The following DNMBP variants were observed in gnomAD, a reference collection of about 807,000 sequenced individuals.
DNMBP encodes dynamin binding protein, also known as dynamin-binding protein.
In DNMBP, 87 loss-of-function variants were observed where a neutral mutation model predicts 150.0. That is an observed-to-expected ratio of 0.58 (90% CI 0.49 to 0.69). The LOEUF (loss-of-function observed/expected upper bound fraction) is 0.69. Ranked by LOEUF, DNMBP falls within the 30% of genes least tolerant of loss-of-function variation. DNMBP has a pLI of 0.00. For synonymous variants in DNMBP, 711 were observed against 750.4 expected, an observed-to-expected ratio of 0.95 and a Z score of 0.86; for missense variants, 1,774 against 1,949.0, an observed-to-expected ratio of 0.91 and a Z score of 1.69.
chr10:99,923,829 C>T (rs2040048843), intron 4 of DNMBP, among the ~76,000 whole-genome samples: 1 of 152,194 alleles, frequency 6.6e-6, no homozygotes, highest in Non-Finnish European at 1.5e-5. Context: ...TCAAACATTT[C>T]CCTACAGTCT....
At chr10:99,920,352 G>A (rs1247251647) in intron 4 of DNMBP, among the ~76,000 whole-genome samples, 1 of 152,140 alleles carries the variant, frequency 6.6e-6, no homozygotes, top group African/African-American at 2.4e-5. Flanking sequence ...TGGGACTACA[G>A]GTGTGAGCCA....
chr10:99,982,080 T>C (rs1467417456), intron 1 of DNMBP, among the ~76,000 whole-genome samples: 1 of 152,188 alleles, frequency 6.6e-6, no homozygotes, highest in African/African-American at 2.4e-5. Context: ...GTGTGCCTTC[T>C]GTTTTCTGCT....
intron 3 of DNMBP, among the ~76,000 whole-genome samples, chr10:99,967,671 GT>G (rs2040633553): frequency 7.0e-5 from 10 of 142,134 alleles, no homozygotes; most frequent in South Asian, 4.5e-4. Context: ...TTTTCTGGGT[GT>G]GTGTGTGTGT....
chr10:99,916,970 C>T (rs2039971101), intron 4 of DNMBP, among the ~76,000 whole-genome samples: 1 of 152,100 alleles, frequency 6.6e-6, no homozygotes, highest in Non-Finnish European at 1.5e-5. Context: ...CACTGTACTC[C>T]AGCCTTGGTG....
chr10:99,919,878 T>A (rs1422112452), intron 4 of DNMBP, among the ~76,000 whole-genome samples: 2 of 152,340 alleles, frequency 1.3e-5, no homozygotes, highest in South Asian at 2.1e-4. Flanking sequence ...ACTTCAGGAA[T>A]AGCAAAATAA....
chr10:99,987,099 G>A (rs985785598), intron 1 of DNMBP, among the ~76,000 whole-genome samples: 12 of 150,508 alleles, frequency 8.0e-5, no homozygotes, highest in Non-Finnish European at 1.3e-4. Flanking sequence ...AGCTTTCAGT[G>A]AGCTGAGATC....
chr10:99,914,109 C>T (rs954619428), intron 4 of DNMBP: 5 of 1,362,568 alleles, frequency 3.7e-6, no homozygotes, highest in South Asian at 3.7e-5. Context: ...ACATATGAAT[C>T]GCGCAAGTCA....
chr10:99,919,298 C>A lies in DNMBP; in HGVS notation c.2261-10152G>T, dbSNP rs966727329. On this transcript the variant is annotated intron_variant, in intron 4 of 16. Transcript: ENST00000324109. Reference sequence around the variant, plus strand: ...CTGCATTATATTTCCATTAACACTACAGTGATGGTTCAAAATTTGCTCAAC... The same window carrying A: ...CTGCATTATATTTCCATTAACACTAAAGTGATGGTTCAAAATTTGCTCAAC... Among the ~76,000 whole-genome samples the A allele has an allele frequency of 4.6e-5, 7 of 152,204 alleles. No individual in the cohort carries two copies. The East Asian group carries it at 1.3e-3, about 29-fold the overall frequency.
Position 99,955,686 on chromosome 10 carries a change from GATT to G in DNMBP, c.1785_1787del (p.Leu595_Ile596delinsPhe). 1 of 1,614,210 alleles carries G rather than the reference GATT, an allele frequency of 6.2e-7. No individual in the cohort carries two copies. The highest frequency in any genetic ancestry group is 8.5e-7 in the Non-Finnish European group (1 of 1,180,046). On this transcript the variant is annotated inframe_deletion, in exon 4 of 17. Coordinates refer to ENST00000324109, the MANE Select transcript of DNMBP (RefSeq NM_015221.4). Reference sequence around the variant, plus strand: ...TCCTTTCCGGCAGCTCCTGCTCGGTGATTAACTTTGAGGAACCTCGGACAATAT... The same window carrying G: ...TCCTTTCCGGCAGCTCCTGCTCGGTGAACTTTGAGGAACCTCGGACAATAT...
chr10:99,922,656 C>T (rs1008207480), intron 4 of DNMBP, among the ~76,000 whole-genome samples: 1 of 151,850 alleles, frequency 6.6e-6, no homozygotes, highest in African/African-American at 2.4e-5. Flanking sequence ...CTGCTGGGAC[C>T]ACAGGCACGC....
chr10:100,008,760 A>G (rs1333872383), intron 1 of DNMBP, among the ~76,000 whole-genome samples: 1 of 152,222 alleles, frequency 6.6e-6, no homozygotes, highest in Non-Finnish European at 1.5e-5. Context: ...TAACTTGCTG[A>G]TCACCGTGTC....
At position 99,956,512 on chromosome 10, in the gene DNMBP, G is replaced by A. The variant is rs368350581; in HGVS notation, c.962C>T (p.Pro321Leu). Residue 321 changes from proline to leucine, a missense_variant, in exon 4 of 17, where the codon CCG becomes CTG. Around this residue, in one of 2 missense-constraint regions of DNMBP, gnomAD observed 344 missense variants for 456.6 expected, o/e 0.75. Transcript: ENST00000324109. ...LPQEGSLARI[P>L]ETSLDCLENT... ...CTCCAAACAATCCAAAGAAGTTTCC[G>A]GGATCCTGGCAAGGCTGCCTTCCTG... is the stretch of plus-strand genomic sequence containing the variant. 174 of 1,613,926 alleles carry A rather than the reference G, an allele frequency of 1.1e-4. No individual in the cohort carries two copies. Among genetic ancestry groups the A allele is most frequent in the Non-Finnish European group, 1.4e-4 (170 of 1,180,016 alleles).
chr10:99,916,594 G>C (rs577515672), intron 4 of DNMBP, among the ~76,000 whole-genome samples: 49 of 151,966 alleles, frequency 3.2e-4, no homozygotes, highest in Non-Finnish European at 4.6e-4. Flanking sequence ...CATTTTAAAA[G>C]TTAAAATCGA....
intron 1 of DNMBP, among the ~76,000 whole-genome samples, chr10:100,001,429 T>TTA (rs1564760409): frequency 6.9e-6 from 1 of 144,322 alleles, no homozygotes; most frequent in Admixed American, 6.9e-5. Flanking sequence ...TTTTTTTTTT[T>TTA]GAGACAGGGT....
chr10:99,962,608 G>A (rs1005031902), intron 3 of DNMBP, among the ~76,000 whole-genome samples: 4 of 152,016 alleles, frequency 2.6e-5, no homozygotes, highest in African/African-American at 9.7e-5. Context: ...TCCAGCCTGG[G>A]CGATAGAGCG....
rs571946342 is a variant in DNMBP at position 99,998,177 on chromosome 10, A to G, written c.-11+11661T>C. ...TTGAACCCGGGAGGTGGAGGTTGCA[A>G]TGAGCAGTGATCGCGCCACTGTACT... On this transcript the variant is annotated intron_variant, in intron 1 of 16. Transcript: ENST00000324109. 9.1e-4 allele frequency among the ~76,000 whole-genome samples: 135 copies of G among 147,846 alleles called. 2 individuals are homozygous for G. Among genetic ancestry groups the G allele is most frequent in the African/African-American group, 2.5e-3 (101 of 39,930 alleles).
chr10:99,968,174 T>C (rs7903096), intron 3 of DNMBP, among the ~76,000 whole-genome samples: 47,804 of 151,958 alleles, frequency 0.31, 7,584 homozygotes, highest in Non-Finnish European at 0.33. Context: ...TGGCTAAGTA[T>C]GACTATCTGT....
rs544393956 is a variant in DNMBP at position 99,888,206 on chromosome 10, G to T, written c.3285+619C>A. The stretch of plus-strand genomic sequence containing the variant: ...TATTTGTCTTCAAGGTTTTTTTTTT[G>T]TTTGTTTGTTTGTTTTTGTTTTGAG... On this transcript the variant is annotated intron_variant, in intron 12 of 16. Coordinates refer to ENST00000324109, the MANE Select transcript of DNMBP (RefSeq NM_015221.4). Among the ~76,000 whole-genome samples, 299 of 123,482 alleles carry T rather than the reference G, an allele frequency of 2.4e-3. 1 individual carries two copies. The highest frequency in any genetic ancestry group is 8.0e-3 in the Middle Eastern group (2 of 250). The allele number at this position is 123,482 out of a possible 152,430, so 81.0% of individuals were successfully genotyped here.
chr10:99,960,932 G>C (rs139625758), intron 3 of DNMBP, among the ~76,000 whole-genome samples: 1 of 151,612 alleles, frequency 6.6e-6, no homozygotes, highest in African/African-American at 2.4e-5. Context: ...AACTATGATC[G>C]GACCACTGCA....
Sources: allele counts gnomAD v4.1 joint callset (sites outside exome capture counted in the v4.1 genomes callset), GRCh38; gene constraint gnomAD v4.1.1; regional missense constraint gnomAD v4.1.1; transcripts MANE v1.5; gene names NCBI Gene and HGNC (gene_info 2026-07-23, HGNC 2026-07-21).